The following VPS13B variants were observed in gnomAD, a reference collection of about 807,000 sequenced individuals.
The protein encoded by VPS13B is vacuolar protein sorting 13 homolog B.
VPS13B carries 285 observed loss-of-function variants against 426.4 expected under a neutral mutation model. The ratio of observed to expected loss-of-function variants is 0.67; its 90% CI spans 0.61 to 0.74. The LOEUF (loss-of-function observed/expected upper bound fraction) is 0.74, where lower values mean the gene tolerates loss of function less well. Among genes scored for constraint, VPS13B ranks in the 30% least tolerant of loss-of-function variants. The pLI is 0.00. For missense variants in VPS13B, 4,537 were observed against 4,782.6 expected, an observed-to-expected ratio of 0.95 and a Z score of 1.51; for synonymous variants, 1,676 against 1,676.4, an observed-to-expected ratio of 1.00 and a Z score of 0.01.
chr8:99,474,945 T>C (rs984872604), intron 24 of VPS13B, among the ~76,000 whole-genome samples: 4 of 152,126 alleles, frequency 2.6e-5, no homozygotes, highest in Admixed American at 1.3e-4. Context: ...AACTCACATG[T>C]TTATCATCAG....
At chr8:99,367,078 G>A (rs1254272393) in intron 19 of VPS13B, among the ~76,000 whole-genome samples, 1 of 152,080 alleles carries the variant, frequency 6.6e-6, no homozygotes, top group Non-Finnish European at 1.5e-5. Context: ...TTTTCTGTGT[G>A]CTTACTATTA....
chr8:99,275,170 A>C lies in VPS13B; in HGVS notation c.2740A>C (p.Arg914=). The change falls in exon 19 of 62, where the codon AGA becomes CGA. Residue 914 remains arginine (R), a synonymous_variant. Transcript: ENST00000357162. ...TAGCACCAAGTGGCTCAATGAGAGT[A>C]GAAAGCCAGAGTCTCTCTTAGCTCC... The part of the protein sequence containing the change: ...LHSTKWLNES[R]KPESLLAPDL... 2 of 1,613,172 alleles carry C rather than the reference A, an allele frequency of 1.2e-6. No individual in the cohort carries two copies. The highest frequency in any genetic ancestry group is 1.7e-6 in the Non-Finnish European group (2 of 1,179,472).
At chr8:99,051,379 A>G (rs1843543403) in intron 3 of VPS13B, among the ~76,000 whole-genome samples, 1 of 151,194 alleles carries the variant, frequency 6.6e-6, no homozygotes, top group Admixed American at 6.6e-5. Context: ...GTTCTGTTCC[A>G]TTGGTCTGTA....
At chr8:99,663,289 ATTC>A (rs1320551524) in intron 35 of VPS13B, among the ~76,000 whole-genome samples, 3 of 152,182 alleles carry the variant, frequency 2.0e-5, no homozygotes, top group African/African-American at 7.2e-5. Context: ...CTGGGGACGA[ATTC>A]TTCTTCAGCA....
chr8:99,173,228 G>A (rs1024595611), intron 16 of VPS13B, among the ~76,000 whole-genome samples: 2 of 152,062 alleles, frequency 1.3e-5, no homozygotes, highest in African/African-American at 2.4e-5. Context: ...GAAGTTACAC[G>A]ACTTGGTGCT....
intron 39 of VPS13B, among the ~76,000 whole-genome samples, chr8:99,731,810 A>G (rs1833611546): frequency 6.6e-6 from 1 of 152,210 alleles, no homozygotes; most frequent in Non-Finnish European, 1.5e-5. Context: ...TGGCAAAAGC[A>G]TTCACACAAT....
chr8:99,378,133 A>AGC (rs1434586078), intron 19 of VPS13B, among the ~76,000 whole-genome samples: 2 of 47,992 alleles, frequency 4.2e-5, no homozygotes, highest in Non-Finnish European at 7.0e-5. Flanking sequence ...GCCATTTTAG[A>AGC]GCCCCCCCCC....
At chr8:99,595,558 T>G (rs1457708846) in intron 33 of VPS13B, among the ~76,000 whole-genome samples, 1 of 151,928 alleles carries the variant, frequency 6.6e-6, no homozygotes, top group Admixed American at 6.6e-5. Context: ...GATGTTTGAT[T>G]AAGCAGTGTT....
chr8:99,286,359 A>G (rs761002717), intron 19 of VPS13B, among the ~76,000 whole-genome samples: 13 of 152,198 alleles, frequency 8.5e-5, no homozygotes, highest in Non-Finnish European at 1.5e-4. Flanking sequence ...CTCATATAGA[A>G]ATAAGACAAG....
intron 33 of VPS13B, among the ~76,000 whole-genome samples, chr8:99,619,732 G>A (rs1364033210): frequency 6.6e-6 from 1 of 152,068 alleles, no homozygotes; most frequent in Non-Finnish European, 1.5e-5. Flanking sequence ...ATTACCGGGT[G>A]TGGTGGTGGA....
chr8:99,361,287 C>G (rs1328190198), intron 19 of VPS13B, among the ~76,000 whole-genome samples: 1 of 152,136 alleles, frequency 6.6e-6, no homozygotes, highest in African/African-American at 2.4e-5. Flanking sequence ...AGTTTTTAGG[C>G]TAAGAAACCA....
chr8:99,096,165 G>C, intron 3 of VPS13B, 147 bp from the exon 4 acceptor site: 2 of 796,858 alleles, frequency 2.5e-6, no homozygotes. Context: ...TATGAAAATT[G>C]GTTATGTAGT....
chr8:99,055,049 T>A (rs1843768452), intron 3 of VPS13B, among the ~76,000 whole-genome samples: 2 of 151,212 alleles, frequency 1.3e-5, no homozygotes, highest in Admixed American at 1.3e-4. Flanking sequence ...TTTTTGTTTT[T>A]TTTTTTGTTA....
intron 23 of VPS13B, 79 bp downstream of exon 23, chr8:99,442,714 A>G: frequency 2.2e-6 from 3 of 1,392,328 alleles, no homozygotes; most frequent in South Asian, 2.5e-5. Context: ...TAAATGTGTC[A>G]GTGTATAAGC....
At chr8:99,066,451 G>T (rs1023463997) in intron 3 of VPS13B, among the ~76,000 whole-genome samples, 5 of 152,212 alleles carry the variant, frequency 3.3e-5, no homozygotes, top group African/African-American at 1.2e-4. Flanking sequence ...CTAGCCATAT[G>T]TAGAAAGCTG....
At chr8:99,637,355 T>TA (rs930929843) in intron 33 of VPS13B, among the ~76,000 whole-genome samples, 21 of 151,982 alleles carry the variant, frequency 1.4e-4, no homozygotes, top group African/African-American at 4.1e-4. Context: ...TTTAGAGGCT[T>TA]AAAAAAAATG....
chr8:99,545,449 A>G (rs760929470), intron 30 of VPS13B, among the ~76,000 whole-genome samples: 1 of 152,098 alleles, frequency 6.6e-6, no homozygotes, highest in Non-Finnish European at 1.5e-5. Flanking sequence ...CTACTACACT[A>G]TGACTCAAGG....
chr8:99,738,110 A>C (rs558059064), intron 39 of VPS13B, among the ~76,000 whole-genome samples: 3 of 152,300 alleles, frequency 2.0e-5, no homozygotes. Flanking sequence ...ACTTCATTTT[A>C]TTGCAGTGAT....
intron 39 of VPS13B, among the ~76,000 whole-genome samples, chr8:99,724,770 T>C (rs1385595762): frequency 6.6e-6 from 1 of 152,214 alleles, no homozygotes; most frequent in Non-Finnish European, 1.5e-5. Flanking sequence ...CAGGCTCCAG[T>C]ATCTCTTCCT....
Sources: gnomAD v4.1 joint callset for allele counts (sites outside exome capture counted in the v4.1 genomes callset) on GRCh38, gnomAD v4.1.1 for gene constraint, MANE v1.5 for transcripts, NCBI Gene and HGNC (gene_info 2026-07-23, HGNC 2026-07-21) for gene names.